The following OPRM1 variants were observed in gnomAD, a reference collection of about 807,000 sequenced individuals.
The protein encoded by OPRM1 is opioid receptor mu 1.
Under a neutral mutation model 31.8 loss-of-function variants are expected in OPRM1, and 27 were observed. That is an observed-to-expected ratio of 0.85 (90% CI 0.63 to 1.17). The LOEUF is 1.17. Ranked by LOEUF, OPRM1 falls within the 50% of genes most tolerant of loss-of-function variation. The pLI, the probability that OPRM1 is intolerant of heterozygous loss-of-function variation, is 0.00. For missense variants in OPRM1, 536 were observed against 511.1 expected, an observed-to-expected ratio of 1.05 and a Z score of -0.47; for synonymous variants, 196 against 189.9, an observed-to-expected ratio of 1.03 and a Z score of -0.26.
At chr6:154,038,603 T>C (rs1234511432), upstream of OPRM1, among the ~76,000 whole-genome samples, 1 of 152,126 alleles carries the variant, frequency 6.6e-6, no homozygotes, top group African/African-American at 2.4e-5. Context: ...GATAAACAAT[T>C]CCAAACAGGT....
chr6:154,218,315 T>C (rs895550977), intron 3 of OPRM1, among the ~76,000 whole-genome samples: 1 of 152,232 alleles, frequency 6.6e-6, no homozygotes, highest in Non-Finnish European at 1.5e-5. Context: ...CTCCCGTCTT[T>C]GCTGAGAAAC....
chr6:154,180,772 T>C (rs1362721683), intron 3 of OPRM1, among the ~76,000 whole-genome samples: 1 of 152,216 alleles, frequency 6.6e-6, no homozygotes, highest in Non-Finnish European at 1.5e-5. Context: ...GGAGGGGAAT[T>C]CATATGCCAT....
chr6:154,065,425 G>A (rs144507041), intron 1 of OPRM1, among the ~76,000 whole-genome samples: 19 of 152,280 alleles, frequency 1.2e-4, no homozygotes, highest in Non-Finnish European at 2.4e-4. Context: ...TGGGGTTACA[G>A]GCGTGAGCCA....
At chr6:154,216,762 G>A (rs1045633965) in intron 3 of OPRM1, among the ~76,000 whole-genome samples, 1 of 152,154 alleles carries the variant, frequency 6.6e-6, no homozygotes, top group African/African-American at 2.4e-5. Flanking sequence ...CAGCTACTTG[G>A]GAGGCTGAGG....
chr6:154,201,923 AG>A (rs1319653288), intron 3 of OPRM1, among the ~76,000 whole-genome samples: 4 of 152,156 alleles, frequency 2.6e-5, no homozygotes, highest in South Asian at 2.1e-4. Context: ...AAAAACTCCA[AG>A]GAAGTGTCAG....
At chr6:154,025,172 T>C (rs1036557914) in intron 1 of OPRM1, among the ~76,000 whole-genome samples, 1 of 152,040 alleles carries the variant, frequency 6.6e-6, no homozygotes, top group African/African-American at 2.4e-5. Flanking sequence ...TTAGCTCTCA[T>C]AATACTTGCT....
At chr6:154,222,452 A>C (rs924512680) in intron 3 of OPRM1, among the ~76,000 whole-genome samples, 7 of 152,372 alleles carry the variant, frequency 4.6e-5, no homozygotes, top group African/African-American at 1.4e-4. Flanking sequence ...ACTGGAAAAG[A>C]TGTCAAAGGT....
At chr6:154,189,549 G>C (rs1340920152) in intron 3 of OPRM1, among the ~76,000 whole-genome samples, 3 of 152,196 alleles carry the variant, frequency 2.0e-5, no homozygotes, top group African/African-American at 7.2e-5. Context: ...GTAGTATATA[G>C]TTCAAGATAG....
chr6:154,115,319 C>G (rs1048968962), intron 3 of OPRM1, among the ~76,000 whole-genome samples: 1 of 152,114 alleles, frequency 6.6e-6, no homozygotes, highest in African/African-American at 2.4e-5. Context: ...GTGGGTAGAT[C>G]GCTTGAGCTC....
At chr6:154,091,898 G>A in intron 3 of OPRM1, 26 of 989,490 alleles carry the variant, frequency 2.6e-5, no homozygotes, top group Non-Finnish European at 3.1e-5. Flanking sequence ...AAAGAGAGAG[G>A]GTGAGTGCCT....
chr6:154,050,170 A>T (rs1781914247), intron 1 of OPRM1, among the ~76,000 whole-genome samples: 1 of 152,166 alleles, frequency 6.6e-6, no homozygotes, highest in Admixed American at 6.5e-5. Flanking sequence ...ATTATGGCTT[A>T]GATCTCAGTA....
chr6:154,073,424 T>C (rs1787213974), intron 1 of OPRM1: 1 of 152,238 alleles, frequency 6.6e-6, no homozygotes, highest in Admixed American at 6.5e-5. Context: ...CACTAATGTA[T>C]TATGTCTACT....
At chr6:154,060,154 C>T (rs1347986412) in intron 1 of OPRM1, among the ~76,000 whole-genome samples, 1 of 152,110 alleles carries the variant, frequency 6.6e-6, no homozygotes, top group African/African-American at 2.4e-5. Flanking sequence ...CAACTTTACT[C>T]AAGGATTTTA....
At chr6:154,109,299 G>A (rs996872166) in intron 3 of OPRM1, among the ~76,000 whole-genome samples, 5 of 152,174 alleles carry the variant, frequency 3.3e-5, no homozygotes, top group Non-Finnish European at 5.9e-5. Flanking sequence ...AAGCCAATGG[G>A]TAGAGGTTAC....
intron 3 of OPRM1, among the ~76,000 whole-genome samples, chr6:154,151,337 G>A (rs1047311734): frequency 1.3e-5 from 2 of 152,196 alleles, no homozygotes; most frequent in Non-Finnish European, 2.9e-5. Flanking sequence ...CTTAGTTGTG[G>A]ACCAGATTCA....
At position 154,118,753 on chromosome 6, in the gene OPRM1, G is replaced by C. The variant is rs1797134004; in HGVS notation, c.*32G>C. The C allele has an allele frequency of 6.2e-7, 1 of 1,611,716 alleles. No individual in the cohort carries two copies. The highest frequency in any genetic ancestry group is 1.3e-5 in the African/African-American group (1 of 74,830). On this transcript the variant is annotated 3_prime_UTR_variant, in exon 4 of 4. Transcript: ENST00000330432. ...CTCATGCCATTCCGACCTTCACCAA[G>C]CTTAGAAGCCACCATGTATGTGGAA...
chr6:154,107,605 A>G, intron 3 of OPRM1: 1 of 718,584 alleles, frequency 1.4e-6, no homozygotes, highest in East Asian at 2.7e-5. Context: ...ACTATTTCAT[A>G]TGATTTTTAG....
At chr6:154,035,098 T>G (rs975917578), upstream of OPRM1, among the ~76,000 whole-genome samples, 30 of 152,204 alleles carry the variant, frequency 2.0e-4, no homozygotes. Flanking sequence ...CTCTTTGAAG[T>G]TGATTCTCAT....
intron 1 of OPRM1, among the ~76,000 whole-genome samples, chr6:154,069,568 A>G (rs988516803): frequency 8.5e-5 from 13 of 152,090 alleles, no homozygotes; most frequent in Non-Finnish European, 1.9e-4. Flanking sequence ...ATAGCCAGAA[A>G]ATCATTGCAG....
Sources: allele counts gnomAD v4.1 joint callset (sites outside exome capture counted in the v4.1 genomes callset), GRCh38; gene constraint gnomAD v4.1.1; transcripts MANE v1.5; gene names NCBI Gene and HGNC (gene_info 2026-07-23, HGNC 2026-07-21).